The following CLCC1 variants were observed in gnomAD, a reference collection of about 807,000 sequenced individuals.
CLCC1 encodes the protein chloride channel CLIC like 1.
CLCC1 carries 39 observed loss-of-function variants against 63.3 expected under a neutral mutation model. The observed-to-expected ratio is 0.62, with a 90% confidence interval of 0.48 to 0.81. CLCC1 has a LOEUF of 0.81. Among genes scored for constraint, CLCC1 ranks in the 30% least tolerant of loss-of-function variants. The probability of loss-of-function intolerance (pLI) is 0.00; values close to 1 mark genes in which losing one functional copy is unlikely to be tolerated. For missense variants in CLCC1, 549 were observed against 669.4 expected, an observed-to-expected ratio of 0.82 and a Z score of 1.98; for synonymous variants, 217 against 239.8, an observed-to-expected ratio of 0.90 and a Z score of 0.88.
chr1:108,956,457 C>T (rs974689868), intron 2 of CLCC1, among the ~76,000 whole-genome samples: 2 of 151,106 alleles, frequency 1.3e-5, no homozygotes, highest in East Asian at 1.9e-4. Flanking sequence ...GTCAGGAGAT[C>T]GAGACCATCC....
intron 11 of CLCC1, among the ~76,000 whole-genome samples, chr1:108,935,389 T>C (rs1350590540): frequency 1.3e-5 from 2 of 152,210 alleles, no homozygotes; most frequent in Non-Finnish European, 2.9e-5. Flanking sequence ...TTAAAGAGGC[T>C]ATGTAAAAAA....
In CLCC1 at chr1:108,929,700, G is replaced by C; in HGVS notation, c.*2847C>G. ...TTTTAATCTCTCTCATAAACTTCTA[G>C]GGATCCAGATTAGATGATCAAAGAT... On this transcript the variant is annotated 3_prime_UTR_variant, in exon 13 of 13. Coordinates refer to ENST00000369969, the MANE Select transcript of CLCC1 (RefSeq NM_001377458.1). The C allele has an allele frequency of 6.2e-7, 1 of 1,612,990 alleles. No individual in the cohort carries two copies. Among genetic ancestry groups the C allele is most frequent in the African/African-American group, 1.3e-5 (1 of 74,998 alleles).
At chr1:108,949,779 CATAAT>C in intron 4 of CLCC1, 36 bp downstream of exon 4, 1 of 1,040,482 alleles carries the variant, frequency 9.6e-7, no homozygotes. Context: ...AGCGATTTAA[CATAAT>C]ATAAAAATAT....
intron 10 of CLCC1, among the ~76,000 whole-genome samples, chr1:108,939,188 TATATATAA>T (rs1284948602): frequency 4.1e-5 from 6 of 146,232 alleles, no homozygotes; most frequent in Admixed American, 6.9e-5. Context: ...AGTGCATATA[TATATATAA>T]ATATAAATAT....
At chr1:108,935,714 T>C (rs1173640770) in intron 11 of CLCC1, among the ~76,000 whole-genome samples, 2 of 152,198 alleles carry the variant, frequency 1.3e-5, no homozygotes, top group Non-Finnish European at 2.9e-5. Context: ...TGCAATGAGC[T>C]ATGATCACTG....
intron 8 of CLCC1, among the ~76,000 whole-genome samples, chr1:108,940,411 T>C (rs1276301257): frequency 6.6e-6 from 1 of 152,208 alleles, no homozygotes; most frequent in Non-Finnish European, 1.5e-5. Flanking sequence ...GTAAACACTT[T>C]AAAAGCAATG....
chr1:108,950,106 T>C (rs1655003511), intron 3 of CLCC1, among the ~76,000 whole-genome samples, 185 bp from the exon 4 acceptor site: 1 of 152,226 alleles, frequency 6.6e-6, no homozygotes, highest in African/African-American at 2.4e-5. Flanking sequence ...CATATTATTT[T>C]GCTACTTCAA....
chr1:108,961,959 TC>T (rs540009609), intron 2 of CLCC1, among the ~76,000 whole-genome samples: 31 of 152,178 alleles, frequency 2.0e-4, no homozygotes, highest in Non-Finnish European at 3.7e-4. Flanking sequence ...TTATCTTCAC[TC>T]ATCTTCATTT....
In CLCC1 at chr1:108,943,844, C is replaced by T. The variant is rs770993826; in HGVS notation, c.553G>A (p.Val185Met). 2 of 1,608,792 alleles carry T rather than the reference C, an allele frequency of 1.2e-6. No individual in the cohort carries two copies. Among genetic ancestry groups the T allele is most frequent in the Non-Finnish European group, 1.7e-6 (2 of 1,175,450 alleles). ...CCCTCATCCCATCTTACCATTAACA[C>T]ATTATATGGATCCACTCCAAAGGAA... ...EDSFGVDPYN[V>M]LMVLLCLLCI... Residue 185 changes from valine to methionine, a missense_variant, in exon 6 of 13, where the codon GTG becomes ATG. By Grantham distance (21) the Val-to-Met change is conservative. Coordinates refer to ENST00000369969, the MANE Select transcript of CLCC1 (RefSeq NM_001377458.1).
Position 108,958,213 on chromosome 1 carries a change from C to A in CLCC1, c.-12+4096G>T, listed in dbSNP as rs940016542. 6.6e-5 allele frequency among the ~76,000 whole-genome samples: 10 copies of A among 151,610 alleles called. 1 individual carries two copies. The highest frequency in any genetic ancestry group is 1.3e-4 in the Admixed American group (2 of 15,284). ...TAACACAGTAACTCTACAGTGGTAA[C>A]CCCATCTACGGTTTTGCTTTCTGAG... On this transcript the variant is annotated intron_variant, in intron 2 of 12. Coordinates refer to ENST00000369969, the MANE Select transcript of CLCC1 (RefSeq NM_001377458.1).
chr1:108,950,448 G>A lies in CLCC1; in HGVS notation c.-11C>T, dbSNP rs762408333. 6 of 1,527,772 alleles carry A rather than the reference G, an allele frequency of 3.9e-6. No homozygotes were observed. In the Admixed American group the frequency reaches 1.1e-4, roughly 29 times the overall value. 94.6% of individuals were successfully genotyped at this position (1,527,772 alleles called of 1,614,324 possible). A position where few individuals can be genotyped will look rare whatever the true frequency, so the allele number is the denominator to read the frequency against. The stretch of plus-strand genomic sequence containing the variant: ...CAAAGAACACAGCATCCTGTATAAG[G>A]CTAAAACAATTTTTAATATATATAA... On this transcript the variant is annotated splice_region_variant and 5_prime_UTR_variant, in exon 3 of 13. Coordinates refer to ENST00000369969, the MANE Select transcript of CLCC1 (RefSeq NM_001377458.1).
chr1:108,958,699 C>G (rs946699425), intron 2 of CLCC1, among the ~76,000 whole-genome samples: 2 of 149,568 alleles, frequency 1.3e-5, no homozygotes, highest in African/African-American at 5.0e-5. Context: ...GCCAACATGG[C>G]GAAACCCCGT....
In CLCC1 at chr1:108,950,416, A is replaced by G. The variant is rs959367477; in HGVS notation, c.22T>C (p.Cys8Arg). Residue 8 changes from cysteine (C) to arginine (R), a missense_variant, in exon 3 of 13, where the codon TGT (cysteine) becomes CGT (arginine). Cys to Arg is a radical substitution (Grantham distance 180). Transcript: ENST00000369969. MLCSLLL[C>R]ECLLLVAGYA... is the part of the protein sequence containing the mutation. ...CCAGCTACCAGCAACAGACATTCAC[A>G]AAGGAGCAAAGAACACAGCATCCTG... 1.9e-6 allele frequency: 3 copies of G among 1,609,782 alleles called. No homozygotes were observed. Among genetic ancestry groups the G allele is most frequent in the Non-Finnish European group, 2.5e-6 (3 of 1,177,288 alleles).
intron 5 of CLCC1, among the ~76,000 whole-genome samples, chr1:108,944,652 T>C (rs1197183037): frequency 2.0e-5 from 3 of 151,714 alleles, no homozygotes; most frequent in African/African-American, 4.8e-5. Context: ...TTTTTTTAGA[T>C]GGAGTCTCAC....
intron 5 of CLCC1, among the ~76,000 whole-genome samples, chr1:108,947,367 G>T (rs1235452883): frequency 6.6e-6 from 1 of 152,146 alleles, no homozygotes; most frequent in East Asian, 1.9e-4. Flanking sequence ...AGTGCACAGA[G>T]CTGAGTAAGT....
intron 2 of CLCC1, among the ~76,000 whole-genome samples, chr1:108,953,330 T>A (rs897041235): frequency 6.6e-6 from 1 of 152,244 alleles, no homozygotes; most frequent in East Asian, 1.9e-4. Flanking sequence ...ATTAGCACAA[T>A]AGCTCTCAAC....
chr1:108,959,598 A>G (rs1012676317), intron 2 of CLCC1, among the ~76,000 whole-genome samples: 1 of 152,198 alleles, frequency 6.6e-6, no homozygotes, highest in African/African-American at 2.4e-5. Flanking sequence ...TAACTGATAA[A>G]TTAAACTTTA....
chr1:108,935,449 T>C (rs1016714833), intron 11 of CLCC1, among the ~76,000 whole-genome samples: 6 of 152,042 alleles, frequency 3.9e-5, no homozygotes, highest in Admixed American at 2.6e-4. Context: ...AGGGTCAAAT[T>C]ACAGTTTAAA....
rs1439676030 is a variant in CLCC1, at chr1:108,930,884, C to CTT, written c.*1662_*1663insAA. 7.6e-6 allele frequency: 1 copy of CTT among 131,992 alleles called. No individual in the cohort carries two copies. The highest frequency in any genetic ancestry group is 2.0e-4 in the East Asian group (1 of 5,090). The allele number at this position is 131,992 out of a possible 1,614,324, so 8.2% of individuals were successfully genotyped here. A position where few individuals can be genotyped will look rare whatever the true frequency, so the allele number is the denominator to read the frequency against. ...CCAGCCTGAGTGACAGAGCAAGACTCTGTCTCAAAAAAAAAAAAAACAGCA... is the reference window on the plus strand; with the variant it reads ...CCAGCCTGAGTGACAGAGCAAGACTCTTTGTCTCAAAAAAAAAAAAAACAGCA... On this transcript the variant is annotated 3_prime_UTR_variant, in exon 13 of 13. Coordinates refer to ENST00000369969, the MANE Select transcript of CLCC1 (RefSeq NM_001377458.1).
Sources: gnomAD v4.1 joint callset for allele counts (sites outside exome capture counted in the v4.1 genomes callset) on GRCh38, gnomAD v4.1.1 for gene constraint, MANE v1.5 for transcripts, NCBI Gene and HGNC (gene_info 2026-07-23, HGNC 2026-07-21) for gene names.